ATP2C1: variants seen among roughly 807,000 people sequenced by gnomAD.
ATP2C1 encodes ATPase secretory pathway Ca2+ transporting 1.
In ATP2C1, 31 loss-of-function variants were observed where a neutral mutation model predicts 120.5. That is an observed-to-expected ratio of 0.26 (90% CI 0.19 to 0.35). The LOEUF (loss-of-function observed/expected upper bound fraction) is 0.35. Among genes scored for constraint, ATP2C1 ranks in the 10% least tolerant of loss-of-function variants. The probability of loss-of-function intolerance (pLI) is 1.00; values close to 1 mark genes in which losing one functional copy is unlikely to be tolerated. For missense variants in ATP2C1, 731 were observed against 1,107.5 expected (o/e 0.66, Z 4.83); for synonymous variants, 351 against 358.7 (o/e 0.98, Z 0.24).
Position 130,894,162 on chromosome 3 carries a change from C to A in ATP2C1, c.-356C>A. Reference sequence around the variant, plus strand: ...CCTCCTCTTCTCTCCCCTCCCCGCCCGCCCTCTCTCCCTCCCTTCCTCCCT... The same window carrying A: ...CCTCCTCTTCTCTCCCCTCCCCGCCAGCCCTCTCTCCCTCCCTTCCTCCCT... On this transcript the variant is annotated 5_prime_UTR_variant, in exon 1 of 28. Transcript: ENST00000510168. This position sits in a 1 kb window ranked among gnomAD's most constrained non-coding sequence, Gnocchi z 4.5. 8 of 733,822 alleles carry A rather than the reference C, an allele frequency of 1.1e-5. No individual in the cohort carries two copies. Among genetic ancestry groups the A allele is most frequent in the Non-Finnish European group, 1.3e-5 (8 of 600,142 alleles). The allele number at this position is 733,822 out of a possible 1,614,324, so 45.5% of individuals were successfully genotyped here.
At chr3:130,917,216 A>G (rs1294411984) in intron 2 of ATP2C1, among the ~76,000 whole-genome samples, 4 of 152,214 alleles carry the variant, frequency 2.6e-5, no homozygotes, top group East Asian at 3.8e-4. Context: ...ATGCTAAGCT[A>G]TGATGTTCGC....
chr3:130,911,860 G>A (rs2058432581), intron 2 of ATP2C1, among the ~76,000 whole-genome samples: 2 of 144,268 alleles, frequency 1.4e-5, no homozygotes, highest in African/African-American at 5.2e-5. Context: ...TATACTACAA[G>A]GCTACAGTAA....
chr3:130,949,155 T>C (rs218491), intron 8 of ATP2C1, among the ~76,000 whole-genome samples: 70,441 of 152,004 alleles, frequency 0.46, 18,602 homozygotes, highest in Middle Eastern at 0.64. Context: ...GAGGAATGCA[T>C]GTCAAAAGCT....
intron 20 of ATP2C1, among the ~76,000 whole-genome samples, chr3:130,982,485 G>A (rs1052866668): frequency 1.3e-5 from 2 of 152,198 alleles, no homozygotes; most frequent in Non-Finnish European, 2.9e-5. Flanking sequence ...CATAGGAAGT[G>A]CCCCATAAGA....
upstream of ATP2C1, chr3:130,894,005 C>G (rs2069335227): frequency 1.0e-6 from 1 of 985,900 alleles, no homozygotes; most frequent in Non-Finnish European, 1.2e-6. This position sits in a 1 kb window ranked among gnomAD's most constrained non-coding sequence, Gnocchi z 4.5. Flanking sequence ...GCTGGGTTCG[C>G]GGCTGGCCCA....
intron 1 of ATP2C1, among the ~76,000 whole-genome samples, chr3:130,878,368 G>A (rs1053612064): frequency 1.6e-4 from 24 of 152,056 alleles, no homozygotes; most frequent in South Asian, 8.3e-4. Context: ...AATTGTTTTC[G>A]GAATGTTTTG....
chr3:130,982,214 G>A lies in ATP2C1; in HGVS notation c.1839+1535G>A, dbSNP rs141922704. Among the ~76,000 whole-genome samples the A allele has an allele frequency of 2.2e-3, 339 of 152,204 alleles. 1 individual carries two copies. Among genetic ancestry groups the A allele is most frequent in the African/African-American group, 7.5e-3 (313 of 41,536 alleles). ...TTTTGTATATGTTGTAATGGGTTAC[G>A]GTTTATTTTCTTTGCATATAGATGT... On this transcript the variant is annotated intron_variant, in intron 20 of 27. Transcript: ENST00000510168.
chr3:130,912,519 C>A lies in ATP2C1; in HGVS notation c.6+17744C>A, dbSNP rs1460609302. ...ATGAAAAAATGCTCATCATCACTGG[C>A]CATCAGAGAAATGCAAATCAAAACC... On this transcript the variant is annotated intron_variant, in intron 2 of 27. Transcript: ENST00000510168. Among the ~76,000 whole-genome samples, 5 of 146,454 alleles carry A rather than the reference C, an allele frequency of 3.4e-5. No homozygotes were observed. The East Asian group carries it at 8.1e-4, about 24-fold the overall frequency.
intron 2 of ATP2C1, among the ~76,000 whole-genome samples, chr3:130,929,648 A>G (rs1221666587): frequency 6.6e-6 from 1 of 152,166 alleles, no homozygotes; most frequent in East Asian, 1.9e-4. Context: ...TTTTCACTCA[A>G]AGCATTTTGT....
At chr3:130,863,821 C>T (rs908596612) in intron 1 of ATP2C1, among the ~76,000 whole-genome samples, 11 of 152,190 alleles carry the variant, frequency 7.2e-5, no homozygotes, top group Admixed American at 6.5e-4. Context: ...TAAGAAGTGC[C>T]TTTTGCCTTC....
rs1381641611 is a variant in ATP2C1, at chr3:131,013,976, G to A, written c.2630-2176G>A. On this transcript the variant is annotated intron_variant, in intron 26 of 26. Coordinates refer to the ATP2C1 transcript ENST00000328560. ...CTAACAGGTCAGTCCTAAAGAAAAA[G>A]CTAATTGTTTCAAGGGTGGTAACGG... 70 of 1,018,536 alleles carry A rather than the reference G, an allele frequency of 6.9e-5. 1 individual carries two copies. The Middle Eastern group carries it at 9.0e-4, about 13-fold the overall frequency. The allele number at this position is 1,018,536 out of a possible 1,614,324, so 63.1% of individuals were successfully genotyped here. A position where few individuals can be genotyped will look rare whatever the true frequency, so the allele number is the denominator to read the frequency against.
chr3:130,912,805 T>G (rs548069787), intron 2 of ATP2C1, among the ~76,000 whole-genome samples: 22 of 152,002 alleles, frequency 1.4e-4, no homozygotes, highest in African/African-American at 5.3e-4. Context: ...CATGCACATG[T>G]ATGTTTATTG....
chr3:130,916,401 ACAAGACTCCAT>A (rs1388332309), intron 2 of ATP2C1, among the ~76,000 whole-genome samples: 4 of 152,016 alleles, frequency 2.6e-5, no homozygotes, highest in African/African-American at 9.7e-5. Flanking sequence ...GGGCAACAGA[ACAAGACTCCAT>A]CTCAAAAAAT....
At chr3:131,012,797 T>C (rs148957364) in intron 26 of ATP2C1, among the ~76,000 whole-genome samples, 1 of 152,158 alleles carries the variant, frequency 6.6e-6, no homozygotes, top group Non-Finnish European at 1.5e-5. Flanking sequence ...ATTGTTAGGG[T>C]TGAATACTCT....
At chr3:130,902,109 A>C (rs1414230807) in intron 2 of ATP2C1, among the ~76,000 whole-genome samples, 3 of 151,946 alleles carry the variant, frequency 2.0e-5, no homozygotes, top group African/African-American at 7.3e-5. Context: ...TGGTTTCCTC[A>C]CTTGTAAAGA....
intron 20 of ATP2C1, among the ~76,000 whole-genome samples, chr3:130,985,381 C>A (rs1193285741): frequency 1.3e-5 from 2 of 151,944 alleles, no homozygotes; most frequent in Admixed American, 6.6e-5. Flanking sequence ...AGCTGTAATC[C>A]CAGCACTTTG....
intron 2 of ATP2C1, among the ~76,000 whole-genome samples, chr3:130,909,488 A>G (rs2058291058): frequency 6.6e-6 from 1 of 152,190 alleles, no homozygotes; most frequent in Non-Finnish European, 1.5e-5. Context: ...TAGGCCGAAT[A>G]TTCCTAATTC....
At chr3:130,992,162 G>A (rs2062384503) in intron 20 of ATP2C1, among the ~76,000 whole-genome samples, 1 of 152,152 alleles carries the variant, frequency 6.6e-6, no homozygotes, top group Non-Finnish European at 1.5e-5. Context: ...TTTTATGAAG[G>A]GAGAATAGCG....
Position 131,001,752 on chromosome 3 carries a change from A to G in ATP2C1, c.*402A>G. The G allele has an allele frequency of 2.0e-6, 2 of 980,936 alleles. No individual in the cohort carries two copies. Among genetic ancestry groups the G allele is most frequent in the Non-Finnish European group, 2.4e-6 (2 of 825,484 alleles). The allele number at this position is 980,936 out of a possible 1,614,324, so 60.8% of individuals were successfully genotyped here. Reference sequence around the variant, plus strand: ...TGGTGGGGCTTTCTTACTAATACACAAATAAATTTAATCATTTCAAAGGCA... The same window carrying G: ...TGGTGGGGCTTTCTTACTAATACACGAATAAATTTAATCATTTCAAAGGCA... On this transcript the variant is annotated 3_prime_UTR_variant, in exon 28 of 28. Transcript: ENST00000510168.
Sources: allele counts gnomAD v4.1 joint callset (sites outside exome capture counted in the v4.1 genomes callset), GRCh38; gene constraint gnomAD v4.1.1; non-coding constraint Gnocchi (gnomAD v3.1); transcripts MANE v1.5; gene names NCBI Gene and HGNC (gene_info 2026-07-23, HGNC 2026-07-21).